TNFSF4: variants seen among roughly 807,000 people sequenced by gnomAD.
The protein encoded by TNFSF4 is tumor necrosis factor ligand superfamily member 4.
Under a neutral mutation model 7.3 loss-of-function variants are expected in TNFSF4, and 4 were observed. That is an observed-to-expected ratio of 0.55 (90% CI 0.27 to 1.25). TNFSF4 has a LOEUF of 1.25. Ranked by LOEUF, TNFSF4 falls within the 50% of genes most tolerant of loss-of-function variation. The pLI, the probability that TNFSF4 is intolerant of heterozygous loss-of-function variation, is 0.12. For missense variants in TNFSF4, 181 were observed against 208.8 expected, an observed-to-expected ratio of 0.87 and a Z score of 0.82; for synonymous variants, 76 against 83.7, an observed-to-expected ratio of 0.91 and a Z score of 0.50.
At chr1:173,435,520 T>C in the TNFSF4 span, among the ~76,000 whole-genome samples, 1 of 152,178 alleles carries the variant, frequency 6.6e-6, no homozygotes, top group African/African-American at 2.4e-5. Flanking sequence ...AGCACACATC[T>C]ACAAGGCAGG....
At chr1:173,315,483 G>A in the TNFSF4 span, among the ~76,000 whole-genome samples, 1 of 152,074 alleles carries the variant, frequency 6.6e-6, no homozygotes, top group Non-Finnish European at 1.5e-5. Flanking sequence ...ACCACAGCCT[G>A]CTACTTCAAT....
the TNFSF4 span, among the ~76,000 whole-genome samples, chr1:173,250,040 A>G: frequency 1.3e-5 from 2 of 152,180 alleles, no homozygotes; most frequent in Non-Finnish European, 2.9e-5. Context: ...AAGTTCCTGA[A>G]CCTCTTAAAT....
chr1:173,180,323 C>T (rs1464404260), downstream of TNFSF4, among the ~76,000 whole-genome samples: 1 of 152,168 alleles, frequency 6.6e-6, no homozygotes, highest in Admixed American at 6.5e-5. Flanking sequence ...TCACTATATT[C>T]AACGCTTGGT....
chr1:173,301,835 T>C, the TNFSF4 span, among the ~76,000 whole-genome samples: 1 of 106,814 alleles, frequency 9.4e-6, no homozygotes, highest in African/African-American at 3.6e-5. Flanking sequence ...CTACAGAACA[T>C]ACATTCCATA....
chr1:173,414,577 TTTTCAGTC>T, the TNFSF4 span, among the ~76,000 whole-genome samples: 1 of 152,162 alleles, frequency 6.6e-6, no homozygotes, highest in African/African-American at 2.4e-5. Context: ...CTGCTTATGG[TTTTCAGTC>T]TTTCTTATCA....
At chr1:173,193,768 CAAAA>C (rs34461114) in intron 1 of TNFSF4, among the ~76,000 whole-genome samples, 3 of 101,902 alleles carry the variant, frequency 2.9e-5, no homozygotes, top group Admixed American at 9.9e-5. Context: ...ATAAGTGAAG[CAAAA>C]AAAAAAAAAA....
At chr1:173,247,016 T>G in the TNFSF4 span, among the ~76,000 whole-genome samples, 1 of 152,238 alleles carries the variant, frequency 6.6e-6, no homozygotes, top group African/African-American at 2.4e-5. Flanking sequence ...CCAGGGAATC[T>G]AATGCCTTAA....
chr1:173,257,837 T>C, the TNFSF4 span, among the ~76,000 whole-genome samples: 177 of 152,310 alleles, frequency 1.2e-3, 1 homozygote, highest in Admixed American at 4.1e-3. Flanking sequence ...GGATCTTTGA[T>C]GGAATCAACA....
chr1:173,259,912 A>T, the TNFSF4 span, among the ~76,000 whole-genome samples: 1 of 152,226 alleles, frequency 6.6e-6, no homozygotes, highest in Non-Finnish European at 1.5e-5. Flanking sequence ...GATGGAAAAC[A>T]TACTTCTGGA....
At chr1:173,333,311 C>T in the TNFSF4 span, among the ~76,000 whole-genome samples, 3 of 78,480 alleles carry the variant, frequency 3.8e-5, no homozygotes, top group Admixed American at 5.2e-4. Context: ...CCCATCCAAT[C>T]AGCTGAAGGC....
At chr1:173,369,087 T>G in the TNFSF4 span, among the ~76,000 whole-genome samples, 1 of 152,134 alleles carries the variant, frequency 6.6e-6, no homozygotes, top group African/African-American at 2.4e-5. Context: ...AAAGCTAGGA[T>G]ATGGGGAGCC....
the TNFSF4 span, among the ~76,000 whole-genome samples, chr1:173,273,913 A>G: frequency 1.3e-5 from 2 of 152,082 alleles, no homozygotes; most frequent in African/African-American, 4.8e-5. Flanking sequence ...AACTTTCTAT[A>G]AGAGATATGC....
the TNFSF4 span, among the ~76,000 whole-genome samples, chr1:173,410,760 T>C: frequency 1.3e-5 from 2 of 152,180 alleles, no homozygotes; most frequent in African/African-American, 2.4e-5. Context: ...TGTCCATCAT[T>C]TCCTACCTGC....
At chr1:173,180,976 T>C (rs1450386300), downstream of TNFSF4, among the ~76,000 whole-genome samples, 1 of 152,154 alleles carries the variant, frequency 6.6e-6, no homozygotes, top group Non-Finnish European at 1.5e-5. Flanking sequence ...CAGAAAAAAT[T>C]TATTTCAAAC....
chr1:173,338,919 G>C, the TNFSF4 span, among the ~76,000 whole-genome samples: 2 of 152,076 alleles, frequency 1.3e-5, no homozygotes, highest in Non-Finnish European at 2.9e-5. Context: ...AAAGGAAATC[G>C]GACTACTACT....
At chr1:173,242,360 G>A in the TNFSF4 span, among the ~76,000 whole-genome samples, 1 of 152,056 alleles carries the variant, frequency 6.6e-6, no homozygotes, top group East Asian at 1.9e-4. Flanking sequence ...CCTTCTTTAG[G>A]CAGGACAGAG....
At chr1:173,323,967 A>G in the TNFSF4 span, among the ~76,000 whole-genome samples, 2 of 152,228 alleles carry the variant, frequency 1.3e-5, no homozygotes, top group African/African-American at 4.8e-5. Flanking sequence ...AACTTCCCCA[A>G]TCGAGCAAGG....
At chr1:173,370,299 C>T in the TNFSF4 span, among the ~76,000 whole-genome samples, 2 of 152,074 alleles carry the variant, frequency 1.3e-5, no homozygotes, top group African/African-American at 4.8e-5. Context: ...TTTGGAGATA[C>T]CTGGTATCTT....
the TNFSF4 span, among the ~76,000 whole-genome samples, chr1:173,232,727 C>T: frequency 2.0e-5 from 3 of 152,120 alleles, no homozygotes; most frequent in Non-Finnish European, 2.9e-5. Flanking sequence ...TTGAGATAAT[C>T]ATGTGGTTTT....
Sources: gnomAD v4.1 joint callset for allele counts (sites outside exome capture counted in the v4.1 genomes callset) on GRCh38, gnomAD v4.1.1 for gene constraint, MANE v1.5 for transcripts, NCBI Gene and HGNC (gene_info 2026-07-23, HGNC 2026-07-21) for gene names.